Variants in RAMP1 observed in about 807,000 individuals in gnomAD.
RAMP1 encodes receptor activity-modifying protein 1.
A neutral mutation model predicts 8.2 loss-of-function variants in RAMP1; 7 were observed. The observed-to-expected ratio is 0.85, with a 90% CI of 0.49 to 1.60. RAMP1 has a LOEUF of 1.60. Among genes scored for constraint, RAMP1 ranks in the 40% most tolerant of loss-of-function variants. RAMP1 has a pLI of 0.00. For missense variants in RAMP1, 192 were observed against 202.4 expected (o/e 0.95, Z 0.31); for synonymous variants, 92 against 84.7 (o/e 1.09, Z -0.47).
chr2:237,885,381 G>A (rs2062417696), intron 2 of RAMP1, among the ~76,000 whole-genome samples: 1 of 152,216 alleles, frequency 6.6e-6, no homozygotes, highest in Admixed American at 6.5e-5. Context: ...ACCTCCCTGA[G>A]GCCTGTCGTG....
chr2:237,906,967 C>T (rs1413498180), intron 2 of RAMP1, among the ~76,000 whole-genome samples: 1 of 152,176 alleles, frequency 6.6e-6, no homozygotes, highest in Non-Finnish European at 1.5e-5. Flanking sequence ...AAGTGATCCG[C>T]CTGCCTTGGC....
At chr2:237,894,637 C>A (rs961211325) in intron 2 of RAMP1, among the ~76,000 whole-genome samples, 3 of 152,198 alleles carry the variant, frequency 2.0e-5, no homozygotes, top group African/African-American at 7.2e-5. Context: ...AGAAGCCAGG[C>A]GGGGCTGAGG....
At chr2:237,894,604 C>T (rs1036127833) in intron 2 of RAMP1, among the ~76,000 whole-genome samples, 1 of 152,186 alleles carries the variant, frequency 6.6e-6, no homozygotes. Flanking sequence ...GGGGGTGAGA[C>T]CCCCCTGCCA....
intron 2 of RAMP1, among the ~76,000 whole-genome samples, chr2:237,897,892 G>A (rs1409829392): frequency 2.6e-5 from 4 of 151,738 alleles, no homozygotes; most frequent in Non-Finnish European, 4.4e-5. Context: ...TCCACCTCCC[G>A]AGTTCAAGCC....
chr2:237,861,027 C>T (rs898142967), intron 1 of RAMP1, among the ~76,000 whole-genome samples: 1 of 152,210 alleles, frequency 6.6e-6, no homozygotes, highest in African/African-American at 2.4e-5. Flanking sequence ...ACATGGCCTT[C>T]ACTGTTTTCA....
At chr2:237,880,249 G>A (rs745904898) in intron 2 of RAMP1, among the ~76,000 whole-genome samples, 111 of 152,276 alleles carry the variant, frequency 7.3e-4, no homozygotes, top group Non-Finnish European at 1.2e-3. Flanking sequence ...TCATCCCGGG[G>A]CCCGGTGCTA....
At chr2:237,895,286 G>T (rs1490253423) in intron 2 of RAMP1, among the ~76,000 whole-genome samples, 1 of 152,178 alleles carries the variant, frequency 6.6e-6, no homozygotes, top group East Asian at 1.9e-4. Flanking sequence ...TCCTGTGGGG[G>T]GGTCATGGGC....
At chr2:237,885,498 G>T (rs967642460) in intron 2 of RAMP1, among the ~76,000 whole-genome samples, 1 of 152,258 alleles carries the variant, frequency 6.6e-6, no homozygotes, top group Admixed American at 6.5e-5. Flanking sequence ...CGAGCACTGG[G>T]ACCCCTCTGT....
intron 2 of RAMP1, among the ~76,000 whole-genome samples, chr2:237,892,007 G>A (rs1175810799): frequency 6.6e-6 from 1 of 151,918 alleles, no homozygotes; most frequent in Non-Finnish European, 1.5e-5. Flanking sequence ...TATTAACATT[G>A]GAATCCCAGC....
At chr2:237,859,106 T>C, upstream of RAMP1, 1 of 152,672 alleles carries the variant, frequency 6.5e-6, no homozygotes, top group Non-Finnish European at 1.5e-5. Flanking sequence ...CCTGCAGATC[T>C]GGAGCAGCAT....
intron 2 of RAMP1, among the ~76,000 whole-genome samples, chr2:237,911,171 G>A (rs1228867737): frequency 6.6e-6 from 1 of 152,258 alleles, no homozygotes; most frequent in Non-Finnish European, 1.5e-5. Flanking sequence ...ACACCAGCCT[G>A]CGACCTTGCC....
In RAMP1 at chr2:237,859,902, A is replaced by G. The variant is rs1030076334; in HGVS notation, c.52+175A>G. 37 of 568,814 alleles carry G rather than the reference A, an allele frequency of 6.5e-5. No individual in the cohort carries two copies. The African/African-American group carries it at 7.2e-4, about 11-fold the overall frequency. 35.2% of individuals were successfully genotyped at this position (568,814 alleles called of 1,614,324 possible). A position where few individuals can be genotyped will look rare whatever the true frequency, so the allele number is the denominator to read the frequency against. On this transcript the variant is annotated intron_variant, in intron 1 of 2. Coordinates refer to ENST00000254661, the MANE Select transcript of RAMP1 (RefSeq NM_005855.4). ...GCCCCGGTTCCAGGCGGGAGGCCCC[A>G]GGGCACAGGGGAGGCGGAGGGCGCG...
At chr2:237,886,519 G>A (rs1281699179) in intron 2 of RAMP1, among the ~76,000 whole-genome samples, 1 of 152,136 alleles carries the variant, frequency 6.6e-6, no homozygotes, top group East Asian at 1.9e-4. Flanking sequence ...CATCTGTGAG[G>A]ACCCACAGAG....
chr2:237,898,704 C>T (rs2062567734), intron 2 of RAMP1, among the ~76,000 whole-genome samples: 1 of 152,214 alleles, frequency 6.6e-6, no homozygotes, highest in Non-Finnish European at 1.5e-5. Flanking sequence ...CTCCCGAGCT[C>T]ACACACGCAG....
intron 2 of RAMP1, among the ~76,000 whole-genome samples, chr2:237,885,255 G>T (rs1367253690): frequency 6.6e-6 from 1 of 152,206 alleles, no homozygotes; most frequent in Non-Finnish European, 1.5e-5. Context: ...GCCAAGGGCA[G>T]GGTGTCCTCC....
chr2:237,872,258 G>T (rs114748306), intron 1 of RAMP1, among the ~76,000 whole-genome samples: 180 of 152,290 alleles, frequency 1.2e-3, no homozygotes, highest in African/African-American at 4.1e-3. Context: ...GTGCTGCCGG[G>T]GGCACCTCGT....
chr2:237,888,906 G>A (rs989807962), intron 2 of RAMP1, among the ~76,000 whole-genome samples: 5 of 151,970 alleles, frequency 3.3e-5, no homozygotes, highest in African/African-American at 1.2e-4. Flanking sequence ...TGAGTAGCTG[G>A]AACTACAGGC....
rs773938592 is a variant in RAMP1, at chr2:237,865,686, G to C, written c.52+5959G>C. On this transcript the variant is annotated intron_variant, in intron 1 of 2. Transcript: ENST00000254661. This position sits in a 1 kb window ranked among gnomAD's most constrained non-coding sequence, Gnocchi z 4.2. ...TATGGCCAAGAGAGGTGTTTCTGGC[G>C]GCAGCAGGGCCTGGCCTATGTCAAA... is the stretch of plus-strand genomic sequence containing the variant. Among the ~76,000 whole-genome samples, 15 of 152,134 alleles carry C rather than the reference G, an allele frequency of 9.9e-5. No individual in the cohort carries two copies. Among genetic ancestry groups the C allele is most frequent in the Non-Finnish European group, 7.4e-5 (5 of 68,024 alleles).
At chr2:237,873,426 C>T (rs551528819) in intron 1 of RAMP1, among the ~76,000 whole-genome samples, 11 of 152,342 alleles carry the variant, frequency 7.2e-5, no homozygotes, top group Admixed American at 2.6e-4. Flanking sequence ...CCGGCTGCCC[C>T]GTCCTTCTGT....
Sources: allele counts gnomAD v4.1 joint callset (sites outside exome capture counted in the v4.1 genomes callset), GRCh38; gene constraint gnomAD v4.1.1; non-coding constraint Gnocchi (gnomAD v3.1); transcripts MANE v1.5; gene names NCBI Gene and HGNC (gene_info 2026-07-23, HGNC 2026-07-21).